The following IGSF21 variants were observed in gnomAD, a reference collection of about 807,000 sequenced individuals.
IGSF21 encodes immunoglobin superfamily member 21, also known as immunoglobulin superfamily member 21.
In IGSF21, 28 loss-of-function variants were observed where a neutral mutation model predicts 46.8. That is an observed-to-expected ratio of 0.60 (90% CI 0.44 to 0.82). IGSF21 has a LOEUF of 0.82. Ranked by LOEUF, IGSF21 falls within the 40% of genes least tolerant of loss-of-function variation. The pLI is 0.00. For missense variants in IGSF21, 624 were observed against 665.5 expected (o/e 0.94, Z 0.69); for synonymous variants, 284 against 273.6 (o/e 1.04, Z -0.38).
At chr1:18,181,487 T>TA (rs2124469063) in intron 1 of IGSF21, among the ~76,000 whole-genome samples, 1 of 152,238 alleles carries the variant, frequency 6.6e-6, no homozygotes, top group South Asian at 2.1e-4. Context: ...AATGAGATAA[T>TA]ACATGCTTCT....
chr1:18,197,033 C>T (rs60037482), intron 1 of IGSF21, among the ~76,000 whole-genome samples: 1,670 of 152,310 alleles, frequency 0.011, 28 homozygotes, highest in African/African-American at 0.038. Context: ...TCTGGCTTCG[C>T]TAGAGAGCGA....
chr1:18,238,948 C>T (rs751422056), intron 2 of IGSF21, among the ~76,000 whole-genome samples: 3 of 152,206 alleles, frequency 2.0e-5, no homozygotes, highest in Non-Finnish European at 4.4e-5. Context: ...CGGTCAACCT[C>T]CCCACCCCGC....
At chr1:18,369,215 G>C (rs1490289238) in intron 6 of IGSF21, among the ~76,000 whole-genome samples, 1 of 152,192 alleles carries the variant, frequency 6.6e-6, no homozygotes, top group East Asian at 1.9e-4. Flanking sequence ...CGACTGCTGA[G>C]TGAGAATTCA....
chr1:18,261,825 C>A (rs1318934637), intron 2 of IGSF21, among the ~76,000 whole-genome samples: 1 of 152,170 alleles, frequency 6.6e-6, no homozygotes, highest in Admixed American at 6.5e-5. Context: ...ACCCCTCAGA[C>A]AAGGATTTGA....
chr1:18,140,009 C>T (rs113733228), intron 1 of IGSF21, among the ~76,000 whole-genome samples: 21,211 of 152,066 alleles, frequency 0.14, 1,582 homozygotes, highest in Middle Eastern at 0.17. Context: ...TGCAGTGGTG[C>T]GATCACGGCT....
Position 18,378,267 on chromosome 1 carries a change from C to T in IGSF21, c.1345C>T (p.Pro449Ser), listed in dbSNP as rs367580028. ...GATTCCTGGCACAGGTTCCATTGGCCCCACTGGTGCCCGGCTCACCTTGGT... is the reference window on the plus strand; with the variant it reads ...GATTCCTGGCACAGGTTCCATTGGCTCCACTGGTGCCCGGCTCACCTTGGT... Reference protein sequence around the residue: ...GTEDSNGSIGPTGARLTLVLA... With the variant: ...GTEDSNGSIGSTGARLTLVLA... Residue 449 changes from proline to serine, a missense_variant, in exon 10 of 10, where the codon CCC becomes TCC. Pro to Ser is a moderately conservative substitution (Grantham distance 74). Coordinates refer to ENST00000251296, the MANE Select transcript of IGSF21 (RefSeq NM_032880.5). 1.6e-5 allele frequency: 26 copies of T among 1,613,878 alleles called. No individual in the cohort carries two copies. The African/African-American group carries it at 2.9e-4, about 18-fold the overall frequency.
At chr1:18,327,272 T>A (rs1461669620) in intron 3 of IGSF21, among the ~76,000 whole-genome samples, 1 of 152,154 alleles carries the variant, frequency 6.6e-6, no homozygotes, top group Non-Finnish European at 1.5e-5. Context: ...AAGAAGGCAC[T>A]GAGCAGTGTG....
chr1:18,284,227 G>A (rs752237222), intron 2 of IGSF21, among the ~76,000 whole-genome samples: 7 of 152,212 alleles, frequency 4.6e-5, no homozygotes, highest in Non-Finnish European at 1.0e-4. Flanking sequence ...CTTGCAGGGC[G>A]CTTTCTAGGC....
chr1:18,129,302 G>A (rs901969221), intron 1 of IGSF21, among the ~76,000 whole-genome samples: 1 of 152,110 alleles, frequency 6.6e-6, no homozygotes, highest in Admixed American at 6.6e-5. Flanking sequence ...AAAAGGCAAC[G>A]GGCAGGGAAA....
chr1:18,207,791 C>T (rs910609193), intron 1 of IGSF21, among the ~76,000 whole-genome samples: 2 of 152,172 alleles, frequency 1.3e-5, no homozygotes, highest in African/African-American at 4.8e-5. Context: ...TCCCACCAGA[C>T]CAGTCCATGT....
At chr1:18,287,372 G>A (rs951188810) in intron 2 of IGSF21, among the ~76,000 whole-genome samples, 2 of 151,868 alleles carry the variant, frequency 1.3e-5, no homozygotes, top group African/African-American at 4.8e-5. Context: ...CTCCAGGTTG[G>A]TGACAGAGCG....
At chr1:18,131,903 A>G (rs1016934187) in intron 1 of IGSF21, among the ~76,000 whole-genome samples, 4 of 152,212 alleles carry the variant, frequency 2.6e-5, no homozygotes, top group Admixed American at 2.6e-4. Flanking sequence ...AAATGTATCA[A>G]GGTGGTAGGG....
intron 4 of IGSF21, among the ~76,000 whole-genome samples, chr1:18,338,425 A>T (rs2085793890): frequency 6.6e-6 from 1 of 152,206 alleles, no homozygotes; most frequent in South Asian, 2.1e-4. Flanking sequence ...ACGGGACCCT[A>T]AGGGCCACTG....
At chr1:18,139,631 G>A (rs2086396911) in intron 1 of IGSF21, among the ~76,000 whole-genome samples, 1 of 152,218 alleles carries the variant, frequency 6.6e-6, no homozygotes, top group South Asian at 2.1e-4. Context: ...CTCTGGGTTT[G>A]AAGGCCAGCC....
chr1:18,113,601 A>ACCCCCC (rs36119627), intron 1 of IGSF21: 449 of 137,712 alleles, frequency 3.3e-3, no homozygotes, highest in Non-Finnish European at 4.2e-3. Flanking sequence ...CCAACCCCGC[A>ACCCCCC]CCCCACCCCC....
intron 1 of IGSF21, among the ~76,000 whole-genome samples, chr1:18,211,274 T>C (rs894582730): frequency 6.6e-6 from 1 of 152,228 alleles, no homozygotes; most frequent in Non-Finnish European, 1.5e-5. Context: ...TTGAAGAGTC[T>C]GAACTCAAGA....
intron 1 of IGSF21, among the ~76,000 whole-genome samples, chr1:18,190,203 TG>T (rs1489931840): frequency 6.6e-6 from 1 of 152,226 alleles, no homozygotes; most frequent in African/African-American, 2.4e-5. Flanking sequence ...CAGGGAAAGC[TG>T]GTCTCAGCTT....
intron 4 of IGSF21, among the ~76,000 whole-genome samples, chr1:18,346,145 AGAACTATGAGAAGT>A (rs1234326699): frequency 6.6e-6 from 1 of 152,164 alleles, no homozygotes; most frequent in Non-Finnish European, 1.5e-5. Context: ...GGGTAGGGTC[AGAACTATGAGAAGT>A]GACAATGGCC....
chr1:18,200,612 A>T (rs992893332), intron 1 of IGSF21, among the ~76,000 whole-genome samples: 1 of 152,210 alleles, frequency 6.6e-6, no homozygotes, highest in East Asian at 1.9e-4. Flanking sequence ...TCTTCTTATA[A>T]GAACATTATA....
Sources: gnomAD v4.1 joint callset for allele counts (sites outside exome capture counted in the v4.1 genomes callset) on GRCh38, gnomAD v4.1.1 for gene constraint, MANE v1.5 for transcripts, NCBI Gene and HGNC (gene_info 2026-07-23, HGNC 2026-07-21) for gene names.